The following SLC24A3 variants were observed in gnomAD, a reference collection of about 807,000 sequenced individuals.
SLC24A3 encodes the protein sodium/potassium/calcium exchanger 3.
Under a neutral mutation model 75.8 loss-of-function variants are expected in SLC24A3, and 28 were observed. The ratio of observed to expected loss-of-function variants is 0.37; its 90% CI spans 0.27 to 0.51. The LOEUF (loss-of-function observed/expected upper bound fraction) is 0.51, where lower values mean the gene tolerates loss of function less well. Ranked by LOEUF, SLC24A3 falls within the 20% of genes least tolerant of loss-of-function variation. SLC24A3 has a pLI of 0.94. For missense variants in SLC24A3, 663 were observed against 847.8 expected (o/e 0.78, Z 2.71); for synonymous variants, 372 against 334.1 (o/e 1.11, Z -1.24).
At chr20:19,635,275 G>C (rs1280081876) in intron 6 of SLC24A3, among the ~76,000 whole-genome samples, 1 of 152,184 alleles carries the variant, frequency 6.6e-6, no homozygotes, top group Non-Finnish European at 1.5e-5. Flanking sequence ...AATAAGATGT[G>C]GTTGTATTGA....
intron 2 of SLC24A3, among the ~76,000 whole-genome samples, chr20:19,329,764 G>T (rs1378167134): frequency 3.3e-5 from 5 of 152,204 alleles, no homozygotes; most frequent in African/African-American, 1.2e-4. Flanking sequence ...GAGTTAGTTT[G>T]TGGTTGAAAA....
At chr20:19,693,218 AT>A (rs11481303) in intron 12 of SLC24A3, 40 bp from the exon 13 acceptor site, 1,253 of 1,451,170 alleles carry the variant, frequency 8.6e-4, no homozygotes, top group South Asian at 2.0e-3. Flanking sequence ...GTTCTTTGTT[AT>A]TTTTTTTTTA....
At chr20:19,430,808 A>G (rs1987088594) in intron 2 of SLC24A3, among the ~76,000 whole-genome samples, 1 of 97,796 alleles carries the variant, frequency 1.0e-5, no homozygotes, top group African/African-American at 7.7e-5. Flanking sequence ...GCACTCATGG[A>G]CACACATGCA....
chr20:19,689,420 C>G (rs146313842), intron 12 of SLC24A3, among the ~76,000 whole-genome samples: 1 of 152,156 alleles, frequency 6.6e-6, no homozygotes, highest in African/African-American at 2.4e-5. Flanking sequence ...GGGCCAGCTC[C>G]GGCCCCTGGC....
intron 2 of SLC24A3, among the ~76,000 whole-genome samples, chr20:19,487,835 C>A (rs1355349217): frequency 6.6e-6 from 1 of 152,208 alleles, no homozygotes; most frequent in Non-Finnish European, 1.5e-5. Flanking sequence ...GGTCATGAAG[C>A]TTTATTCCAA....
intron 3 of SLC24A3, among the ~76,000 whole-genome samples, chr20:19,563,153 C>A (rs781582698): frequency 3.3e-5 from 5 of 152,168 alleles, no homozygotes; most frequent in African/African-American, 9.7e-5. Context: ...AAAAAGCCAT[C>A]CCCTCTACCT....
chr20:19,364,879 T>C (rs1985859620), intron 2 of SLC24A3, among the ~76,000 whole-genome samples: 1 of 152,098 alleles, frequency 6.6e-6, no homozygotes, highest in Non-Finnish European at 1.5e-5. Context: ...AACTAGGCCC[T>C]ACCAGAAAAG....
chr20:19,651,751 C>T (rs930300342), intron 6 of SLC24A3, among the ~76,000 whole-genome samples: 2 of 150,822 alleles, frequency 1.3e-5, no homozygotes, highest in Admixed American at 6.7e-5. Flanking sequence ...GTCCCAACTA[C>T]TTGGGAGGCT....
chr20:19,477,212 A>G (rs1987975968), intron 2 of SLC24A3, among the ~76,000 whole-genome samples: 1 of 152,126 alleles, frequency 6.6e-6, no homozygotes, highest in South Asian at 2.1e-4. Flanking sequence ...GAGGTGAGGA[A>G]GAGTGGAGGC....
intron 12 of SLC24A3, among the ~76,000 whole-genome samples, chr20:19,686,171 G>A (rs1053595434): frequency 3.3e-4 from 50 of 152,330 alleles, no homozygotes; most frequent in Middle Eastern, 3.4e-3. Flanking sequence ...CCCATGACCC[G>A]TGTGGGCAAG....
At chr20:19,450,492 C>T (rs901629060) in intron 2 of SLC24A3, among the ~76,000 whole-genome samples, 1 of 152,102 alleles carries the variant, frequency 6.6e-6, no homozygotes, top group African/African-American at 2.4e-5. Flanking sequence ...CTCTGTGCAA[C>T]GTCACGTGTC....
intron 3 of SLC24A3, among the ~76,000 whole-genome samples, chr20:19,552,614 A>G (rs568545304): frequency 7.2e-5 from 11 of 152,336 alleles, no homozygotes; most frequent in African/African-American, 2.6e-4. Context: ...GAGGCTGAAT[A>G]CAATTTCATT....
chr20:19,411,387 A>G (rs1196764427), intron 2 of SLC24A3, among the ~76,000 whole-genome samples: 1 of 152,234 alleles, frequency 6.6e-6, no homozygotes, highest in East Asian at 1.9e-4. Flanking sequence ...ACTCTGTGGT[A>G]TCCTGTTAGT....
At position 19,644,438 on chromosome 20, in the gene SLC24A3, C is replaced by T. The variant is rs139522707; in HGVS notation, c.613-9624C>T. 3.6e-3 allele frequency among the ~76,000 whole-genome samples: 542 copies of T among 152,212 alleles called. 3 individuals are homozygous for T. The highest frequency in any genetic ancestry group is 0.012 in the African/African-American group (518 of 41,522). Reference sequence around the variant, plus strand: ...AGAGTTGCTTTTCTAACCAGCTCCCCGGCGATGCTGATACCACTGTCCCCG... The same window carrying T: ...AGAGTTGCTTTTCTAACCAGCTCCCTGGCGATGCTGATACCACTGTCCCCG... On this transcript the variant is annotated intron_variant, in intron 6 of 16. Transcript: ENST00000328041.
intron 2 of SLC24A3, among the ~76,000 whole-genome samples, chr20:19,325,238 C>T (rs1046499317): frequency 3.8e-4 from 57 of 151,622 alleles, no homozygotes; most frequent in African/African-American, 1.4e-3. Context: ...GCCTGGGAAA[C>T]ATGGTGAGAC....
intron 2 of SLC24A3, among the ~76,000 whole-genome samples, chr20:19,299,623 A>G (rs1433982538): frequency 6.6e-6 from 1 of 152,202 alleles, no homozygotes; most frequent in African/African-American, 2.4e-5. Flanking sequence ...AGTTATTTCT[A>G]GAAGTGTTGC....
rs528342351 is a variant in SLC24A3, at chr20:19,424,745, C to CAAAAA, written c.272-90721_272-90717dup. Among the ~76,000 whole-genome samples, 33 of 49,130 alleles carry CAAAAA rather than the reference C, an allele frequency of 6.7e-4. 2 individuals are homozygous for CAAAAA. The highest frequency in any genetic ancestry group is 1.0e-3 in the African/African-American group (13 of 12,960). The allele number at this position is 49,130 out of a possible 152,430, so 32.2% of individuals were successfully genotyped here. ...CCCTTTCTCAAAAAAAAAACAACAA[C>CAAAAA]AAAAAAAAAAAAAAAAAAAAAAAAA... On this transcript the variant is annotated intron_variant, in intron 2 of 16. Transcript: ENST00000328041.
chr20:19,424,738 A>C (rs1568614211), intron 2 of SLC24A3, among the ~76,000 whole-genome samples: 1 of 33,870 alleles, frequency 3.0e-5, no homozygotes, highest in African/African-American at 1.1e-4. Flanking sequence ...CAAAAAAAAA[A>C]CAACAACAAA....
chr20:19,325,785 TATATATATATAGAGAGAGAGAGAG>T (rs1568589842), intron 2 of SLC24A3, among the ~76,000 whole-genome samples: 8 of 95,150 alleles, frequency 8.4e-5, no homozygotes, highest in African/African-American at 2.6e-4. Flanking sequence ...TACATATATA[TATATATATATAGAGAGAGAGAGAG>T]AGAGAGAGAG....
Sources: allele counts gnomAD v4.1 joint callset (sites outside exome capture counted in the v4.1 genomes callset), GRCh38; gene constraint gnomAD v4.1.1; transcripts MANE v1.5; gene names NCBI Gene and HGNC (gene_info 2026-07-23, HGNC 2026-07-21).